SLC14A2: variants seen among roughly 807,000 people sequenced by gnomAD.
The protein encoded by SLC14A2 is urea transporter 2.
Under a neutral mutation model 104.6 loss-of-function variants are expected in SLC14A2, and 91 were observed. That is an observed-to-expected ratio of 0.87 (90% CI 0.73 to 1.04). The LOEUF (loss-of-function observed/expected upper bound fraction) is 1.04, where lower values mean the gene tolerates loss of function less well. Ranked by LOEUF, SLC14A2 falls within the 50% of genes least tolerant of loss-of-function variation. The probability of loss-of-function intolerance (pLI) is 0.00; values close to 1 mark genes in which losing one functional copy is unlikely to be tolerated. For synonymous variants in SLC14A2, 476 were observed against 466.4 expected (o/e 1.02, Z -0.27); for missense variants, 1,189 against 1,156.0 (o/e 1.03, Z -0.41).
At chr18:45,170,336 T>C in the SLC14A2 span, among the ~76,000 whole-genome samples, 2 of 152,118 alleles carry the variant, frequency 1.3e-5, no homozygotes, top group Non-Finnish European at 2.9e-5. Context: ...TCAAGGTGTC[T>C]TTGGGAAATG....
At chr18:45,412,423 T>C (rs980552736) in intron 1 of SLC14A2, among the ~76,000 whole-genome samples, 7 of 152,274 alleles carry the variant, frequency 4.6e-5, no homozygotes, top group Admixed American at 3.9e-4. Flanking sequence ...TAACTTATAT[T>C]CCTAAATGCA....
At chr18:45,643,067 C>T (rs2045556507) in intron 8 of SLC14A2, 65 bp from the exon 9 acceptor site, 1 of 1,483,490 alleles carries the variant, frequency 6.7e-7, no homozygotes, top group Admixed American at 1.7e-5. Flanking sequence ...CCCTGGTCTG[C>T]AATGGCAGTG....
At chr18:45,174,925 A>T in the SLC14A2 span, among the ~76,000 whole-genome samples, 1 of 152,148 alleles carries the variant, frequency 6.6e-6, no homozygotes. Flanking sequence ...CTGCAATCCC[A>T]TTTTTTACTT....
intron 1 of SLC14A2, among the ~76,000 whole-genome samples, chr18:45,429,199 C>T (rs537838924): frequency 6.6e-6 from 1 of 152,188 alleles, no homozygotes; most frequent in South Asian, 2.1e-4. Flanking sequence ...TTTTAAATTA[C>T]CTTATAAAAC....
At chr18:45,491,068 A>C (rs1018755508) in intron 2 of SLC14A2, among the ~76,000 whole-genome samples, 1 of 152,244 alleles carries the variant, frequency 6.6e-6, no homozygotes, top group African/African-American at 2.4e-5. Flanking sequence ...AAAAGTAAGG[A>C]TATACATACC....
At chr18:45,314,601 C>T (rs148836448) in intron 1 of SLC14A2, among the ~76,000 whole-genome samples, 9 of 152,302 alleles carry the variant, frequency 5.9e-5, no homozygotes, top group Non-Finnish European at 1.2e-4. Flanking sequence ...TCCACTGCAC[C>T]GATCTATATC....
chr18:45,186,318 C>T, the SLC14A2 span, among the ~76,000 whole-genome samples: 1 of 152,208 alleles, frequency 6.6e-6, no homozygotes, highest in Non-Finnish European at 1.5e-5. Context: ...ATATGACCAA[C>T]TGGTTTTGCA....
intron 1 of SLC14A2, among the ~76,000 whole-genome samples, chr18:45,418,581 G>A (rs180837596): frequency 3.9e-5 from 6 of 152,244 alleles, no homozygotes; most frequent in African/African-American, 7.2e-5. Context: ...AAACTGGAAC[G>A]GTACCTTCAG....
At chr18:45,190,083 G>A in the SLC14A2 span, among the ~76,000 whole-genome samples, 1 of 152,172 alleles carries the variant, frequency 6.6e-6, no homozygotes, top group Admixed American at 6.5e-5. Context: ...GGAAGGCTTT[G>A]CAGGTGAGAT....
At chr18:45,625,963 C>T in intron 3 of SLC14A2, 100 bp downstream of exon 3, 1 of 936,940 alleles carries the variant, frequency 1.1e-6, no homozygotes, top group Non-Finnish European at 1.5e-6. Flanking sequence ...CTCATTCACC[C>T]TCACCCTGGG....
chr18:45,510,456 G>C (rs188925484), intron 2 of SLC14A2, among the ~76,000 whole-genome samples: 1 of 152,096 alleles, frequency 6.6e-6, no homozygotes, highest in Admixed American at 6.5e-5. Context: ...TCCTACTGTG[G>C]AGGCAGGGAG....
chr18:45,173,211 T>C, the SLC14A2 span, among the ~76,000 whole-genome samples: 1 of 152,132 alleles, frequency 6.6e-6, no homozygotes, highest in African/African-American at 2.4e-5. Flanking sequence ...AGCTGGAAGA[T>C]ATATTTAATG....
At chr18:45,246,629 G>A (rs537038115) in intron 1 of SLC14A2, among the ~76,000 whole-genome samples, 4 of 152,178 alleles carry the variant, frequency 2.6e-5, no homozygotes, top group African/African-American at 7.2e-5. Context: ...CTGGAGTGCA[G>A]TGGTGTGATC....
chr18:45,607,045 G>A (rs1048462816), intron 2 of SLC14A2, among the ~76,000 whole-genome samples: 4 of 152,054 alleles, frequency 2.6e-5, no homozygotes, highest in East Asian at 1.9e-4. Flanking sequence ...GGAACACTTC[G>A]ACTGTTTTAA....
intron 1 of SLC14A2, among the ~76,000 whole-genome samples, chr18:45,285,758 C>A (rs1245952200): frequency 1.3e-5 from 2 of 151,506 alleles, no homozygotes; most frequent in South Asian, 4.2e-4. Context: ...ACAAAGGGAG[C>A]CATAGTCAGA....
At chr18:45,473,228 T>C (rs2087285848) in intron 1 of SLC14A2, among the ~76,000 whole-genome samples, 2 of 152,324 alleles carry the variant, frequency 1.3e-5, no homozygotes, top group South Asian at 4.1e-4. Context: ...TCTGTTCCAT[T>C]GGTCTATATA....
chr18:45,225,035 C>T (rs2084100523), intron 1 of SLC14A2, among the ~76,000 whole-genome samples: 1 of 152,160 alleles, frequency 6.6e-6, no homozygotes, highest in African/African-American at 2.4e-5. Context: ...GTTGCCATTG[C>T]TTTTGGTGTT....
intron 2 of SLC14A2, among the ~76,000 whole-genome samples, chr18:45,581,753 C>T (rs1251752571): frequency 2.6e-5 from 4 of 152,152 alleles, no homozygotes; most frequent in East Asian, 1.9e-4. Flanking sequence ...TGTTATCCAG[C>T]GGACTCTGAG....
intron 2 of SLC14A2, among the ~76,000 whole-genome samples, chr18:45,574,171 T>C (rs573897355): frequency 1.3e-5 from 2 of 152,272 alleles, no homozygotes; most frequent in East Asian, 3.9e-4. Flanking sequence ...GGAACCTGCT[T>C]GCCTGCACGT....
Sources: allele counts gnomAD v4.1 joint callset (sites outside exome capture counted in the v4.1 genomes callset), GRCh38; gene constraint gnomAD v4.1.1; transcripts MANE v1.5; gene names NCBI Gene and HGNC (gene_info 2026-07-23, HGNC 2026-07-21).